Variants in TOP1 observed in about 807,000 individuals in gnomAD.
TOP1 encodes DNA topoisomerase 1.
In TOP1, 10 loss-of-function variants were observed where a neutral mutation model predicts 111.1. The observed-to-expected ratio is 0.09, with a 90% CI of 0.06 to 0.15. The LOEUF is 0.15. Ranked by LOEUF, TOP1 falls within the 10% of genes least tolerant of loss-of-function variation. The pLI is 1.00. For missense variants in TOP1, 474 were observed against 926.7 expected, an observed-to-expected ratio of 0.51 and a Z score of 6.34; for synonymous variants, 271 against 302.9, an observed-to-expected ratio of 0.89 and a Z score of 1.10.
rs912065395 is a variant in TOP1 at position 41,115,272 on chromosome 20, T to G, written c.1639-99T>G. On this transcript the variant is annotated intron_variant, in intron 15 of 20. Coordinates refer to ENST00000361337, the MANE Select transcript of TOP1 (RefSeq NM_003286.4). This position sits in a 1 kb window ranked among gnomAD's most constrained non-coding sequence, Gnocchi z 6.3. The stretch of plus-strand genomic sequence containing the variant: ...TCGGTGACGGATGTATGCGTGTTCC[T>G]TGTGCCTTTTTCTTTGCAAGTTTCT... The G allele has an allele frequency of 2.6e-6, 2 of 774,724 alleles. No homozygotes were observed. The highest frequency in any genetic ancestry group is 2.2e-5 in the Admixed American group (1 of 45,892). The allele number at this position is 774,724 out of a possible 1,614,324, so 48.0% of individuals were successfully genotyped here.
chr20:41,043,038 A>G (rs1346736601), intron 2 of TOP1, among the ~76,000 whole-genome samples: 1 of 152,222 alleles, frequency 6.6e-6, no homozygotes, highest in African/African-American at 2.4e-5. Flanking sequence ...AGTGGACTCA[A>G]GCATTTCAAA....
intron 2 of TOP1, among the ~76,000 whole-genome samples, chr20:41,035,276 G>A (rs942068795): frequency 6.6e-6 from 1 of 152,138 alleles, no homozygotes; most frequent in African/African-American, 2.4e-5. Flanking sequence ...TTTCTGAAAT[G>A]TGTAATAAAT....
At chr20:41,073,307 A>G (rs996114515) in intron 3 of TOP1, 1 of 985,040 alleles carries the variant, frequency 1.0e-6, no homozygotes, top group Non-Finnish European at 1.2e-6. Flanking sequence ...TGGAACTTAA[A>G]GGAAGATGGA....
At chr20:41,107,456 C>T (rs2034164325) in intron 13 of TOP1, among the ~76,000 whole-genome samples, 1 of 152,106 alleles carries the variant, frequency 6.6e-6, no homozygotes, top group African/African-American at 2.4e-5. Context: ...AGTTGTAGCA[C>T]TCACTTCCAA....
chr20:41,119,537 T>C (rs995534399), intron 18 of TOP1, among the ~76,000 whole-genome samples: 1 of 152,276 alleles, frequency 6.6e-6, no homozygotes, highest in Non-Finnish European at 1.5e-5. Context: ...CATGGAATTC[T>C]ATACTTGTAC....
chr20:41,121,643 T>C lies in TOP1; in HGVS notation c.1951-53T>C, dbSNP rs2034424462. On this transcript the variant is annotated intron_variant, in intron 18 of 20. Coordinates refer to ENST00000361337, the MANE Select transcript of TOP1 (RefSeq NM_003286.4). This position sits in a 1 kb window ranked among gnomAD's most constrained non-coding sequence, Gnocchi z 4.2. ...AACATCTTGGTTTCACCTTCTCAGG[T>C]GGAGCCATTTTTCCTCTACAGCTCA... is the stretch of plus-strand genomic sequence containing the variant. 1.4e-6 allele frequency: 2 copies of C among 1,425,822 alleles called. No individual in the cohort carries two copies. The highest frequency in any genetic ancestry group is 1.4e-5 in the African/African-American group (1 of 71,280). The allele number at this position is 1,425,822 out of a possible 1,614,324, so 88.3% of individuals were successfully genotyped here. A position where few individuals can be genotyped will look rare whatever the true frequency, so the allele number is the denominator to read the frequency against.
Position 41,095,292 on chromosome 20 carries a change from T to A in TOP1, c.731-1928T>A, listed in dbSNP as rs1202643407. 6.6e-6 allele frequency among the ~76,000 whole-genome samples: 1 copy of A among 152,180 alleles called. No homozygotes were observed. The highest frequency in any genetic ancestry group is 1.5e-5 in the Non-Finnish European group (1 of 68,022). ...TGGAACTCCTGACCTGAAGTGATCC[T>A]TGCACCGCCTCCTAAAGTGCTGGGA... On this transcript the variant is annotated intron_variant, in intron 9 of 20. Coordinates refer to ENST00000361337, the MANE Select transcript of TOP1 (RefSeq NM_003286.4). This position sits in a 1 kb window ranked among gnomAD's most constrained non-coding sequence, Gnocchi z 4.6.
chr20:41,100,511 C>T lies in TOP1; in HGVS notation c.1163+268C>T. The T allele has an allele frequency of 2.9e-6, 1 of 339,910 alleles. No individual in the cohort carries two copies. Among genetic ancestry groups the T allele is most frequent in the South Asian group, 1.1e-4 (1 of 8,970 alleles). 21.1% of individuals were successfully genotyped at this position (339,910 alleles called of 1,614,324 possible). ...AACACATTTCTGTTGATGTCTTCCA[C>T]CCCCAAATTTAATGTCTTTTCCATG... On this transcript the variant is annotated intron_variant, in intron 12 of 20. Transcript: ENST00000361337. The surrounding 1 kb of genome is among the most constrained non-coding windows in gnomAD (Gnocchi z 4.4).
At chr20:41,060,678 C>A (rs1377458691) in intron 2 of TOP1, among the ~76,000 whole-genome samples, 5 of 152,106 alleles carry the variant, frequency 3.3e-5, no homozygotes, top group Non-Finnish European at 7.4e-5. Flanking sequence ...CACCCCCTGT[C>A]CCTAGTATAC....
At position 41,079,751 on chromosome 20, in the gene TOP1, A is replaced by G. The variant is rs1600576202; in HGVS notation, c.336-334A>G. ...GGGGTCAAATATATGGTAGGTTTCCATGTAAGGCAAGAAAACACCTTAGGT... is the reference window on the plus strand; with the variant it reads ...GGGGTCAAATATATGGTAGGTTTCCGTGTAAGGCAAGAAAACACCTTAGGT... On this transcript the variant is annotated intron_variant, in intron 5 of 20. Transcript: ENST00000361337. The surrounding 1 kb of genome is among the most constrained non-coding windows in gnomAD (Gnocchi z 4.0). Among the ~76,000 whole-genome samples, 3 of 152,212 alleles carry G rather than the reference A, an allele frequency of 2.0e-5. No individual in the cohort carries two copies. The highest frequency in any genetic ancestry group is 1.9e-4 in the East Asian group (1 of 5,196).
At position 41,121,942 on chromosome 20, in the gene TOP1, T is replaced by A; in HGVS notation, c.2046-64T>A. The stretch of plus-strand genomic sequence containing the variant: ...CTTTTATTGACTCAAAGTGGCAGGA[T>A]GGGTACAGTGTGCTCTTGTCTAGAG... On this transcript the variant is annotated intron_variant, in intron 19 of 20. Transcript: ENST00000361337. This position sits in a 1 kb window ranked among gnomAD's most constrained non-coding sequence, Gnocchi z 4.2. 6.3e-7 allele frequency: 1 copy of A among 1,590,266 alleles called. No individual in the cohort carries two copies. Among genetic ancestry groups the A allele is most frequent in the South Asian group, 1.1e-5 (1 of 88,758 alleles).
In TOP1 at chr20:41,030,157, C is replaced by G. The variant is rs1163028340; in HGVS notation, c.58+702C>G. Among the ~76,000 whole-genome samples the G allele has an allele frequency of 6.6e-6, 1 of 151,994 alleles. No homozygotes were observed. The highest frequency in any genetic ancestry group is 1.5e-5 in the Non-Finnish European group (1 of 68,006). ...TTCTTTGCAAAGGTAGCAGTACCTC[C>G]CTAAAGAAAGTTTGCAAGTTCTCTG... On this transcript the variant is annotated intron_variant, in intron 2 of 20. Coordinates refer to ENST00000361337, the MANE Select transcript of TOP1 (RefSeq NM_003286.4). The surrounding 1 kb of genome is among the most constrained non-coding windows in gnomAD (Gnocchi z 4.1).
In TOP1 at chr20:41,098,473, A is replaced by G. The variant is rs2034012585; in HGVS notation, c.975+136A>G. 2.0e-6 allele frequency: 2 copies of G among 1,022,288 alleles called. No individual in the cohort carries two copies. Among genetic ancestry groups the G allele is most frequent in the Non-Finnish European group, 2.8e-6 (2 of 715,130 alleles). 63.3% of individuals were successfully genotyped at this position (1,022,288 alleles called of 1,614,324 possible). ...TCTATGCTAAAGACTTAGAGTTCTC[A>G]AAGTCTAAATTTTCTTAAAGGTTTT... On this transcript the variant is annotated intron_variant, in intron 11 of 20. Coordinates refer to ENST00000361337, the MANE Select transcript of TOP1 (RefSeq NM_003286.4). This position sits in a 1 kb window ranked among gnomAD's most constrained non-coding sequence, Gnocchi z 5.7.
chr20:41,072,640 A>C (rs566903597), intron 3 of TOP1: 32 of 985,198 alleles, frequency 3.2e-5, no homozygotes, highest in Non-Finnish European at 3.6e-5. Flanking sequence ...CTTTGCCAGC[A>C]CTCCTGCCGG....
intron 13 of TOP1, among the ~76,000 whole-genome samples, chr20:41,111,558 C>T (rs1168868063): frequency 6.6e-6 from 1 of 151,058 alleles, no homozygotes; most frequent in Non-Finnish European, 1.5e-5. Flanking sequence ...CATGCTTCTG[C>T]ACACCCAGAA....
At chr20:41,060,853 T>G (rs547609323) in intron 2 of TOP1, among the ~76,000 whole-genome samples, 1 of 152,322 alleles carries the variant, frequency 6.6e-6, no homozygotes, top group South Asian at 2.1e-4. Flanking sequence ...GATTTGTATT[T>G]TTTTGGTTGT....
intron 5 of TOP1, among the ~76,000 whole-genome samples, 183 bp downstream of exon 5, chr20:41,077,820 A>G (rs2033746452): frequency 6.6e-6 from 1 of 152,182 alleles, no homozygotes; most frequent in Non-Finnish European, 1.5e-5. Flanking sequence ...AGTGCCATAT[A>G]GTGAGACTGA....
Position 41,079,344 on chromosome 20 carries a change from G to GT in TOP1, c.336-735dup, listed in dbSNP as rs1314458626. Among the ~76,000 whole-genome samples the GT allele has an allele frequency of 4.6e-5, 7 of 152,126 alleles. No individual in the cohort carries two copies. Among genetic ancestry groups the GT allele is most frequent in the African/African-American group, 1.2e-4 (5 of 41,424 alleles). ...TGCAGTGATTGCTGGGCTCTATGGTGTTTTTTACTTGTTCCTTCTCTGTTT... is the reference window on the plus strand; with the variant it reads ...TGCAGTGATTGCTGGGCTCTATGGTGTTTTTTTACTTGTTCCTTCTCTGTTT... On this transcript the variant is annotated intron_variant, in intron 5 of 20. Coordinates refer to ENST00000361337, the MANE Select transcript of TOP1 (RefSeq NM_003286.4). This position sits in a 1 kb window ranked among gnomAD's most constrained non-coding sequence, Gnocchi z 4.0.
chr20:41,113,881 A>C, intron 14 of TOP1, 89 bp from the exon 15 acceptor site: 17 of 505,496 alleles, frequency 3.4e-5, no homozygotes, highest in Non-Finnish European at 4.7e-5. Flanking sequence ...GACTGTCTCA[A>C]AAAAAAAAAA....
Sources: gnomAD v4.1 joint callset for allele counts (sites outside exome capture counted in the v4.1 genomes callset) on GRCh38, gnomAD v4.1.1 for gene constraint, Gnocchi (gnomAD v3.1) non-coding constraint, MANE v1.5 for transcripts, NCBI Gene and HGNC (gene_info 2026-07-23, HGNC 2026-07-21) for gene names.